IKZF1: variants seen among roughly 807,000 people sequenced by gnomAD.
IKZF1 encodes IKAROS family zinc finger 1, also known as DNA-binding protein Ikaros.
IKZF1 carries 10 observed loss-of-function variants against 51.7 expected under a neutral mutation model. That is an observed-to-expected ratio of 0.19 (90% confidence interval 0.12 to 0.33). IKZF1 has a LOEUF of 0.33. IKZF1 is among the 10% of genes least tolerant of loss of function. The probability of loss-of-function intolerance (pLI) is 1.00; values close to 1 mark genes in which losing one functional copy is unlikely to be tolerated. For synonymous variants in IKZF1, 280 were observed against 282.3 expected, an observed-to-expected ratio of 0.99 and a Z score of 0.08; for missense variants, 484 against 707.5, an observed-to-expected ratio of 0.68 and a Z score of 3.58.
chr7:50,389,072 G>A (rs993312859), intron 6 of IKZF1, among the ~76,000 whole-genome samples: 3 of 152,182 alleles, frequency 2.0e-5, no homozygotes, highest in South Asian at 2.1e-4. Flanking sequence ...GTACACAGCC[G>A]GCTGAGAGCT....
Position 50,404,426 on chromosome 7 carries a change from C to T in IKZF1, c.*3799C>T, listed in dbSNP as rs556104903. 6 of 228,608 alleles carry T rather than the reference C, an allele frequency of 2.6e-5. No individual in the cohort carries two copies. The highest frequency in any genetic ancestry group is 1.1e-4 in the African/African-American group (5 of 45,210). The allele number at this position is 228,608 out of a possible 1,614,324, so 14.2% of individuals were successfully genotyped here. On this transcript the variant is annotated 3_prime_UTR_variant, in exon 8 of 8. Transcript: ENST00000331340. ...TCTGTAGTGATAGAACAAATAAATG[C>T]AACGAATACTCTGTCTGCCCTATCC...
At chr7:50,392,880 G>A (rs1430842928) in intron 7 of IKZF1, among the ~76,000 whole-genome samples, 1 of 152,120 alleles carries the variant, frequency 6.6e-6, no homozygotes, top group African/African-American at 2.4e-5. Context: ...GGGGCCTAAG[G>A]ACATGACGGA....
chr7:50,358,237 G>A (rs1375918073), intron 3 of IKZF1, among the ~76,000 whole-genome samples: 1 of 152,234 alleles, frequency 6.6e-6, no homozygotes, highest in East Asian at 1.9e-4. Context: ...TCGAAGAAGT[G>A]TTGTTGATGT....
At chr7:50,358,540 G>A (rs933199249) in intron 3 of IKZF1, among the ~76,000 whole-genome samples, 3 of 152,204 alleles carry the variant, frequency 2.0e-5, no homozygotes, top group Admixed American at 2.0e-4. Flanking sequence ...GGTTTCATAC[G>A]TGAGGAAGCT....
chr7:50,307,698 T>C (rs1789139144), intron 1 of IKZF1, among the ~76,000 whole-genome samples: 2 of 152,232 alleles, frequency 1.3e-5, no homozygotes, highest in Admixed American at 1.3e-4. Context: ...ATTTCACGTC[T>C]TGAAAACAGA....
chr7:50,373,851 C>T (rs79518684), intron 3 of IKZF1, among the ~76,000 whole-genome samples: 1 of 152,140 alleles, frequency 6.6e-6, no homozygotes, highest in South Asian at 2.1e-4. Context: ...GCCTCGACAG[C>T]CAGCCAGCCT....
chr7:50,339,327 C>T, intron 3 of IKZF1, among the ~76,000 whole-genome samples: 1 of 150,728 alleles, frequency 6.6e-6, no homozygotes, highest in Admixed American at 6.6e-5. Context: ...ATTTGTCCAA[C>T]AGAAGAGTTG....
At chr7:50,332,605 C>T (rs1171162706) in intron 3 of IKZF1, among the ~76,000 whole-genome samples, 1 of 152,036 alleles carries the variant, frequency 6.6e-6, no homozygotes, top group African/African-American at 2.4e-5. Context: ...AGAAAAAACC[C>T]AGGGCAGAGG....
chr7:50,338,469 G>C (rs1031597824), intron 3 of IKZF1, among the ~76,000 whole-genome samples: 1 of 152,100 alleles, frequency 6.6e-6, no homozygotes, highest in Non-Finnish European at 1.5e-5. Context: ...CTGACATTTC[G>C]TTAACTTTCC....
At chr7:50,338,679 C>T (rs996488254) in intron 3 of IKZF1, among the ~76,000 whole-genome samples, 4 of 152,124 alleles carry the variant, frequency 2.6e-5, no homozygotes, top group Admixed American at 1.3e-4. Context: ...AACATTGCCC[C>T]GGAAAGTTTC....
At chr7:50,395,675 G>A (rs902658519) in intron 7 of IKZF1, among the ~76,000 whole-genome samples, 1 of 152,046 alleles carries the variant, frequency 6.6e-6, no homozygotes, top group Non-Finnish European at 1.5e-5. Context: ...ATCAGACCCT[G>A]CCCTTTTCTT....
chr7:50,385,763 A>G (rs1368969122), intron 5 of IKZF1, among the ~76,000 whole-genome samples: 2 of 152,264 alleles, frequency 1.3e-5, no homozygotes, highest in Non-Finnish European at 2.9e-5. Flanking sequence ...GTGGTTATCT[A>G]TATCCTATTA....
chr7:50,323,012 A>T (rs1793835922), intron 2 of IKZF1, among the ~76,000 whole-genome samples: 6 of 152,222 alleles, frequency 3.9e-5, no homozygotes, highest in Admixed American at 3.9e-4. Flanking sequence ...TATCTAAAGG[A>T]TATGGAAACC....
rs980453272 is a variant in IKZF1, at chr7:50,310,902, C to A, written c.-15+5980C>A. On this transcript the variant is annotated intron_variant, in intron 1 of 7. Transcript: ENST00000331340. Reference sequence around the variant, plus strand: ...TCATTTTGACTTCAGTGGAACCCCTCGAAGGTGGGGTGATGAGCAAGGTGA... The same window carrying A: ...TCATTTTGACTTCAGTGGAACCCCTAGAAGGTGGGGTGATGAGCAAGGTGA... Among the ~76,000 whole-genome samples the A allele has an allele frequency of 3.0e-4, 45 of 152,232 alleles. No homozygotes were observed. The East Asian group carries it at 8.5e-3, about 29-fold the overall frequency.
chr7:50,386,951 C>T (rs1813547486), intron 5 of IKZF1, among the ~76,000 whole-genome samples: 1 of 152,218 alleles, frequency 6.6e-6, no homozygotes, highest in Admixed American at 6.5e-5. Context: ...CTGAGGCCTA[C>T]TCTGGAGGCA....
rs932604920 is a variant in IKZF1 at position 50,403,142 on chromosome 7, T to C, written c.*2515T>C. 1 of 221,182 alleles carries C rather than the reference T, an allele frequency of 4.5e-6. No individual in the cohort carries two copies. Among genetic ancestry groups the C allele is most frequent in the Non-Finnish European group, 9.0e-6 (1 of 110,578 alleles). The allele number at this position is 221,182 out of a possible 1,614,324, so 13.7% of individuals were successfully genotyped here. A position where few individuals can be genotyped will look rare whatever the true frequency, so the allele number is the denominator to read the frequency against. ...CTTTTATAGCCAATATAAATGTCTCTTTGCACACCTTTTGTTGTGGTTTTA... is the reference window on the plus strand; with the variant it reads ...CTTTTATAGCCAATATAAATGTCTCCTTGCACACCTTTTGTTGTGGTTTTA... On this transcript the variant is annotated 3_prime_UTR_variant, in exon 8 of 8. Coordinates refer to ENST00000331340, the MANE Select transcript of IKZF1 (RefSeq NM_006060.6).
At chr7:50,366,881 T>C (rs377711192) in intron 3 of IKZF1, among the ~76,000 whole-genome samples, 3 of 152,290 alleles carry the variant, frequency 2.0e-5, no homozygotes, top group East Asian at 1.9e-4. Context: ...AGCACATCCA[T>C]ATGGAGGCAA....
intron 1 of IKZF1, among the ~76,000 whole-genome samples, chr7:50,306,781 G>A (rs1314456665): frequency 6.6e-6 from 1 of 152,174 alleles, no homozygotes; most frequent in Non-Finnish European, 1.5e-5. Context: ...GAGAACAGTG[G>A]TTCTTTGGTT....
chr7:50,325,972 C>A (rs570750778), intron 2 of IKZF1, among the ~76,000 whole-genome samples: 1 of 152,312 alleles, frequency 6.6e-6, no homozygotes, highest in South Asian at 2.1e-4. Context: ...CAATAATGCT[C>A]TTTCTGAAAA....
Sources: allele counts gnomAD v4.1 joint callset (sites outside exome capture counted in the v4.1 genomes callset), GRCh38; gene constraint gnomAD v4.1.1; transcripts MANE v1.5; gene names NCBI Gene and HGNC (gene_info 2026-07-23, HGNC 2026-07-21).